The following SLC24A2 variants were observed in gnomAD, a reference collection of about 807,000 sequenced individuals.
The protein encoded by SLC24A2 is solute carrier family 24 member 2.
Under a neutral mutation model 62.0 loss-of-function variants are expected in SLC24A2, and 36 were observed. That is an observed-to-expected ratio of 0.58 (90% CI 0.44 to 0.77). The LOEUF (loss-of-function observed/expected upper bound fraction) is 0.77, where lower values mean the gene tolerates loss of function less well. Ranked by LOEUF, SLC24A2 falls within the 30% of genes least tolerant of loss-of-function variation. The pLI, the probability that SLC24A2 is intolerant of heterozygous loss-of-function variation, is 0.00. For missense variants in SLC24A2, 846 were observed against 817.9 expected (o/e 1.03, Z -0.42); for synonymous variants, 358 against 294.0 (o/e 1.22, Z -2.23).
At chr9:20,095,831 C>T in the SLC24A2 span, among the ~76,000 whole-genome samples, 40 of 151,882 alleles carry the variant, frequency 2.6e-4, no homozygotes, top group South Asian at 4.2e-4. Context: ...TGGTGGAAGG[C>T]GAAAGGCAAG....
chr9:20,087,405 C>T, the SLC24A2 span, among the ~76,000 whole-genome samples: 1 of 152,170 alleles, frequency 6.6e-6, no homozygotes, highest in African/African-American at 2.4e-5. Context: ...TTTCAAGATA[C>T]ACTTGATCTC....
the SLC24A2 span, among the ~76,000 whole-genome samples, chr9:19,973,127 C>A: frequency 6.6e-6 from 1 of 152,140 alleles, no homozygotes; most frequent in East Asian, 1.9e-4. Context: ...TGCCTGAACC[C>A]AGGTGTTTGA....
the SLC24A2 span, among the ~76,000 whole-genome samples, chr9:19,976,021 C>A: frequency 6.6e-6 from 1 of 152,198 alleles, no homozygotes; most frequent in East Asian, 1.9e-4. Flanking sequence ...GAACCACAGG[C>A]CCGTGGCACC....
the SLC24A2 span, among the ~76,000 whole-genome samples, chr9:20,108,399 G>T: frequency 0.22 from 32,806 of 151,808 alleles, 3,983 homozygotes; most frequent in East Asian, 0.56. Flanking sequence ...ACATGCACAC[G>T]TATGTTTATT....
chr9:19,712,380 T>C (rs7855757), intron 2 of SLC24A2, among the ~76,000 whole-genome samples: 20,818 of 152,200 alleles, frequency 0.14, 2,503 homozygotes, highest in African/African-American at 0.33. Context: ...TCTCCCATCA[T>C]GGTGCAAGAT....
the SLC24A2 span, among the ~76,000 whole-genome samples, chr9:20,193,820 G>T: frequency 6.6e-6 from 1 of 151,900 alleles, no homozygotes; most frequent in African/African-American, 2.4e-5. Flanking sequence ...GTCCCAAGAG[G>T]GTTTTTGTTT....
chr9:19,612,091 T>C (rs1429429025), intron 4 of SLC24A2, among the ~76,000 whole-genome samples: 4 of 152,202 alleles, frequency 2.6e-5, no homozygotes. Context: ...TTCTCTCTCA[T>C]GGGCTTGCTG....
At chr9:19,580,430 G>A (rs575302769) in intron 5 of SLC24A2, among the ~76,000 whole-genome samples, 2 of 152,328 alleles carry the variant, frequency 1.3e-5, no homozygotes, top group East Asian at 1.9e-4. Flanking sequence ...CACTGGATAC[G>A]CCTGAGATCA....
the SLC24A2 span, among the ~76,000 whole-genome samples, chr9:19,996,745 C>CAAA: frequency 7.7e-4 from 51 of 66,616 alleles, 1 homozygote; most frequent in African/African-American, 1.9e-3. Context: ...GACTCCGTCT[C>CAAA]AAAAAAAAAA....
chr9:20,211,935 A>T, the SLC24A2 span, among the ~76,000 whole-genome samples: 1 of 152,166 alleles, frequency 6.6e-6, no homozygotes, highest in Non-Finnish European at 1.5e-5. Flanking sequence ...AGAGCACTAT[A>T]GAAGATAAAA....
At chr9:19,692,634 T>C (rs1820076447) in intron 2 of SLC24A2, among the ~76,000 whole-genome samples, 1 of 152,182 alleles carries the variant, frequency 6.6e-6, no homozygotes, top group African/African-American at 2.4e-5. Context: ...CAATAATCAC[T>C]CTTTATTCAC....
intron 4 of SLC24A2, among the ~76,000 whole-genome samples, chr9:19,614,776 G>T (rs1234294630): frequency 1.3e-5 from 2 of 151,960 alleles, no homozygotes; most frequent in Non-Finnish European, 2.9e-5. Flanking sequence ...ACCACAGGGG[G>T]AATCAGGGGA....
intron 8 of SLC24A2, among the ~76,000 whole-genome samples, chr9:19,549,309 G>C (rs1332140406): frequency 1.3e-5 from 2 of 152,110 alleles, no homozygotes; most frequent in Non-Finnish European, 2.9e-5. Context: ...CAAATTCTTT[G>C]ACACTCTTCC....
At chr9:19,856,773 T>C in the SLC24A2 span, among the ~76,000 whole-genome samples, 4 of 152,202 alleles carry the variant, frequency 2.6e-5, no homozygotes, top group South Asian at 6.2e-4. Flanking sequence ...CATAAGGCAC[T>C]GGATCCAGGA....
chr9:19,902,563 A>C, the SLC24A2 span, among the ~76,000 whole-genome samples: 48 of 152,320 alleles, frequency 3.2e-4, 1 homozygote, highest in African/African-American at 1.1e-3. Context: ...TAAGCAGTTA[A>C]GTTTAGGTCC....
chr9:19,613,941 T>A (rs114250172), intron 4 of SLC24A2, among the ~76,000 whole-genome samples: 191 of 152,192 alleles, frequency 1.3e-3, no homozygotes, highest in African/African-American at 4.4e-3. Context: ...AATGATGGAG[T>A]AGGGCTCATG....
At chr9:19,605,709 G>A (rs1159272171) in intron 4 of SLC24A2, among the ~76,000 whole-genome samples, 1 of 152,166 alleles carries the variant, frequency 6.6e-6, no homozygotes, top group African/African-American at 2.4e-5. Context: ...GCAACTTATT[G>A]GGCAAATGCC....
At chr9:20,015,506 C>G in the SLC24A2 span, among the ~76,000 whole-genome samples, 4 of 152,212 alleles carry the variant, frequency 2.6e-5, no homozygotes, top group African/African-American at 9.6e-5. Context: ...GTAAATATGT[C>G]TGCTGCTTCA....
the SLC24A2 span, among the ~76,000 whole-genome samples, chr9:20,173,267 G>C: frequency 3.3e-5 from 5 of 152,010 alleles, no homozygotes; most frequent in African/African-American, 7.2e-5. Flanking sequence ...CTGAGAACTG[G>C]AACAAGACAA....
Sources: gnomAD v4.1 joint callset for allele counts (sites outside exome capture counted in the v4.1 genomes callset) on GRCh38, gnomAD v4.1.1 for gene constraint, MANE v1.5 for transcripts, NCBI Gene and HGNC (gene_info 2026-07-23, HGNC 2026-07-21) for gene names.